Variants in DLD observed in about 807,000 individuals in gnomAD.
DLD encodes the protein dihydrolipoamide dehydrogenase, also known as dihydrolipoyl dehydrogenase, mitochondrial.
In DLD, 36 loss-of-function variants were observed where a neutral mutation model predicts 62.2. The ratio of observed to expected loss-of-function variants is 0.58; its 90% CI spans 0.44 to 0.76. The LOEUF (loss-of-function observed/expected upper bound fraction) is 0.76. Ranked by LOEUF, DLD falls within the 30% of genes least tolerant of loss-of-function variation. DLD has a pLI of 0.00. For synonymous variants in DLD, 204 were observed against 199.6 expected (o/e 1.02, Z -0.19); for missense variants, 541 against 608.6 (o/e 0.89, Z 1.17).
intron 5 of DLD, among the ~76,000 whole-genome samples, chr7:107,904,459 T>C (rs2031954336): frequency 6.6e-6 from 1 of 152,222 alleles, no homozygotes; most frequent in African/African-American, 2.4e-5. Flanking sequence ...CATTTTTATC[T>C]AATACTGTTG....
chr7:107,891,297 C>T lies in DLD; in HGVS notation c.39+8C>T. The T allele has an allele frequency of 6.2e-7, 1 of 1,614,050 alleles. No homozygotes were observed. The highest frequency in any genetic ancestry group is 1.7e-5 in the Admixed American group (1 of 60,028). ...TACTGCTCCTTGGCCAAGGTGAGGG[C>T]CGAGTAGGTGAGGTCGTGTTGAGCC... is the stretch of plus-strand genomic sequence containing the variant. On this transcript the variant is annotated splice_region_variant and intron_variant, in intron 1 of 13. Transcript: ENST00000205402.
At position 107,917,450 on chromosome 7, in the gene DLD, G is replaced by T. The variant is rs2032297119; in HGVS notation, c.1224G>T (p.Gln408His). ...EVAWVGKSEE[Q>H]LKEEGIEYKV... is the part of the protein sequence containing the mutation. The stretch of plus-strand genomic sequence containing the variant: ...CTTGGGTTGGCAAATCAGAAGAGCA[G>T]TTGAAAGAAGAGGTAAGTCTGAACA... Residue 408 changes from glutamine to histidine, a missense_variant, in exon 11 of 14, where the codon CAG (glutamine) becomes CAT (histidine). Physicochemically the swap from Gln to His is conservative, Grantham distance 24 (BLOSUM62 0). Coordinates refer to ENST00000205402, the MANE Select transcript of DLD (RefSeq NM_000108.5). 6.2e-7 allele frequency: 1 copy of T among 1,613,988 alleles called. No homozygotes were observed.
chr7:107,902,499 A>C, intron 4 of DLD, 106 bp downstream of exon 4: 1 of 970,902 alleles, frequency 1.0e-6, no homozygotes, highest in South Asian at 1.3e-5. Flanking sequence ...AAAACAATCC[A>C]AGTTGTGGCA....
intron 8 of DLD, among the ~76,000 whole-genome samples, chr7:107,909,426 C>A (rs1049850967): frequency 2.6e-5 from 4 of 152,190 alleles, no homozygotes; most frequent in East Asian, 3.8e-4. Context: ...GATGAAACAT[C>A]GAAAGCCATC....
intron 3 of DLD, 63 bp downstream of exon 3, chr7:107,901,880 A>G: frequency 1.4e-6 from 2 of 1,404,552 alleles, no homozygotes; most frequent in South Asian, 1.2e-5. Context: ...GATCATATTT[A>G]TAAAGTACTT....
chr7:107,892,623 G>C (rs1423319704), intron 1 of DLD, among the ~76,000 whole-genome samples: 1 of 152,130 alleles, frequency 6.6e-6, no homozygotes, highest in East Asian at 1.9e-4. Flanking sequence ...TCAGCTGACT[G>C]CAACTTCCGC....
intron 2 of DLD, among the ~76,000 whole-genome samples, chr7:107,896,541 C>T (rs2116179798): frequency 6.6e-6 from 1 of 152,220 alleles, no homozygotes; most frequent in South Asian, 2.1e-4. Context: ...TACTATATTT[C>T]TTCTTTAGGG....
chr7:107,905,858 T>C (rs1282189663), intron 7 of DLD: 1 of 335,492 alleles, frequency 3.0e-6, no homozygotes, highest in Admixed American at 4.7e-5. Context: ...TCTACTGAGA[T>C]CACAGTTTAT....
intron 2 of DLD, among the ~76,000 whole-genome samples, chr7:107,895,828 C>G (rs967955882): frequency 1.3e-5 from 2 of 151,966 alleles, no homozygotes; most frequent in African/African-American, 2.4e-5. Flanking sequence ...TACTGTAATT[C>G]TTTTTTTTAT....
intron 2 of DLD, among the ~76,000 whole-genome samples, chr7:107,898,927 A>G (rs1169793776): frequency 6.6e-6 from 1 of 152,152 alleles, no homozygotes; most frequent in Non-Finnish European, 1.5e-5. Context: ...ATTCTTGACA[A>G]GGAGAGGGTG....
At chr7:107,895,564 A>G (rs181935839) in intron 2 of DLD, among the ~76,000 whole-genome samples, 1 of 152,196 alleles carries the variant, frequency 6.6e-6, no homozygotes, top group Admixed American at 6.5e-5. Context: ...AATATCTACT[A>G]TGTGTTAGTC....
In DLD at chr7:107,920,986, G is replaced by A. The variant is rs776415820; in HGVS notation, c.*1727G>A. The A allele has an allele frequency of 2.6e-5, 4 of 152,182 alleles. No homozygotes were observed. The highest frequency in any genetic ancestry group is 7.3e-5 in the African/African-American group (3 of 41,378). The allele number at this position is 152,182 out of a possible 1,614,324, so 9.4% of individuals were successfully genotyped here. A position where few individuals can be genotyped will look rare whatever the true frequency, so the allele number is the denominator to read the frequency against. ...CATCTTTTTAAAAATTTGAAATCCC[G>A]GTATCATGTGAAGTGCTGTTTATGT... On this transcript the variant is annotated 3_prime_UTR_variant, in exon 14 of 14. Coordinates refer to ENST00000205402, the MANE Select transcript of DLD (RefSeq NM_000108.5).
At chr7:107,902,687 C>T (rs2031907064) in intron 4 of DLD, among the ~76,000 whole-genome samples, 3 of 152,174 alleles carry the variant, frequency 2.0e-5, no homozygotes, top group Non-Finnish European at 2.9e-5. Context: ...CTTTCCTTCA[C>T]CAGTGTAACA....
At position 107,915,977 on chromosome 7, in the gene DLD, T is replaced by C. The variant is rs79144899; in HGVS notation, c.875+281T>C. On this transcript the variant is annotated intron_variant, in intron 9 of 13. Coordinates refer to ENST00000205402, the MANE Select transcript of DLD (RefSeq NM_000108.5). ...TAATAAGTAAAATTGAATCAATATT[T>C]TTAGGCAGATACATGGGGAAATCAA... 0.034 allele frequency among the ~76,000 whole-genome samples: 5,149 copies of C among 152,210 alleles called. 272 individuals are homozygous for C. Among genetic ancestry groups the C allele is most frequent in the African/African-American group, 0.12 (4,855 of 41,508 alleles).
chr7:107,919,332 T>C lies in DLD; in HGVS notation c.*73T>C. 8.3e-7 allele frequency: 1 copy of C among 1,205,654 alleles called. No homozygotes were observed. The highest frequency in any genetic ancestry group is 1.2e-6 in the Non-Finnish European group (1 of 832,822). 74.7% of individuals were successfully genotyped at this position (1,205,654 alleles called of 1,614,324 possible). Reference sequence around the variant, plus strand: ...GTAGAAGTCACATTCCTGAACAGGATATTCTCACAGCTCCAAGAATTTCTA... The same window carrying C: ...GTAGAAGTCACATTCCTGAACAGGACATTCTCACAGCTCCAAGAATTTCTA... On this transcript the variant is annotated 3_prime_UTR_variant, in exon 14 of 14. Transcript: ENST00000205402.
At chr7:107,893,547 AAATT>A (rs1479450907) in intron 2 of DLD, 6 of 283,142 alleles carry the variant, frequency 2.1e-5, no homozygotes, top group African/African-American at 1.3e-4. Flanking sequence ...AAGTAACTGA[AAATT>A]AAAGCAGGTA....
intron 4 of DLD, among the ~76,000 whole-genome samples, 188 bp from the exon 5 acceptor site, chr7:107,903,290 A>G (rs1437452487): frequency 6.6e-6 from 1 of 152,134 alleles, no homozygotes; most frequent in Admixed American, 6.5e-5. Flanking sequence ...CCCAGGGACA[A>G]TTGCTTGAGC....
At chr7:107,903,606 C>A in intron 5 of DLD, 59 bp downstream of exon 5, 1 of 988,372 alleles carries the variant, frequency 1.0e-6, no homozygotes, top group South Asian at 1.3e-5. Context: ...GCTCTTCTGT[C>A]TAAAGACTTA....
intron 2 of DLD, among the ~76,000 whole-genome samples, chr7:107,898,057 C>T (rs552285505): frequency 2.0e-5 from 3 of 151,784 alleles, no homozygotes; most frequent in African/African-American, 7.3e-5. Context: ...ACATTAATTG[C>T]CTTGTTTAAG....
Sources: gnomAD v4.1 joint callset for allele counts (sites outside exome capture counted in the v4.1 genomes callset) on GRCh38, gnomAD v4.1.1 for gene constraint, MANE v1.5 for transcripts, NCBI Gene and HGNC (gene_info 2026-07-23, HGNC 2026-07-21) for gene names.